Variants in HIP1 observed in about 807,000 individuals in gnomAD.
HIP1 encodes huntingtin interacting protein 1.
Under a neutral mutation model 147.6 loss-of-function variants are expected in HIP1, and 65 were observed. The observed-to-expected ratio is 0.44, with a 90% confidence interval of 0.36 to 0.54. The LOEUF (loss-of-function observed/expected upper bound fraction) is 0.54, where lower values mean the gene tolerates loss of function less well. HIP1 is among the 20% of genes least tolerant of loss of function. The pLI is 0.00. For missense variants in HIP1, 1,061 were observed against 1,299.6 expected, an observed-to-expected ratio of 0.82 and a Z score of 2.82; for synonymous variants, 479 against 504.0, an observed-to-expected ratio of 0.95 and a Z score of 0.67.
chr7:75,653,659 G>A (rs1554512261), intron 1 of HIP1, among the ~76,000 whole-genome samples: 1 of 152,076 alleles, frequency 6.6e-6, no homozygotes, highest in Non-Finnish European at 1.5e-5. Flanking sequence ...AGGAGTTTGA[G>A]ACTAGCCTGG....
At chr7:75,734,705 T>A (rs1554523446) in intron 1 of HIP1, among the ~76,000 whole-genome samples, 2 of 151,934 alleles carry the variant, frequency 1.3e-5, no homozygotes, top group Non-Finnish European at 2.9e-5. Context: ...AGTGGCCAAT[T>A]TTGCCTCTCT....
Position 75,545,138 on chromosome 7 carries a change from T to G in HIP1, c.2610A>C (p.Glu870Asp). The G allele has an allele frequency of 6.2e-7, 1 of 1,612,234 alleles. No individual in the cohort carries two copies. Among genetic ancestry groups the G allele is most frequent in the Non-Finnish European group, 8.5e-7 (1 of 1,179,438 alleles). The change falls in exon 26 of 31, where the codon GAA (glutamate) becomes GAC (aspartate). Residue 870 changes from glutamate (E) to aspartate (D), a missense_variant. By Grantham distance (45) the Glu-to-Asp change is conservative. Around this residue, in one of 3 missense-constraint regions of HIP1, gnomAD observed 810 missense variants for 946.8 expected, o/e 0.86. Coordinates refer to ENST00000336926, the MANE Select transcript of HIP1 (RefSeq NM_005338.7). ...EFYAKNSRWT[E>D]GLISASKAVG... ...CAGCCTTGGAGGCTGAGATAAGTCCTTCTGTCCATCGAGAGTTCTTGGCAT... is the reference window on the plus strand; with the variant it reads ...CAGCCTTGGAGGCTGAGATAAGTCCGTCTGTCCATCGAGAGTTCTTGGCAT...
chr7:75,581,280 C>A lies in HIP1; in HGVS notation c.561G>T (p.Glu187Asp). The A allele has an allele frequency of 6.2e-7, 1 of 1,611,850 alleles. No individual in the cohort carries two copies. ...DVNNFFQLTV[E>D]MFDYLECELN... is the part of the protein sequence containing the mutation. Reference sequence around the variant, plus strand: ...GTTCACACTCCAGGTAGTCAAACATCTCCACTGTTAACTGGAAACTGGACC... The same window carrying A: ...GTTCACACTCCAGGTAGTCAAACATATCCACTGTTAACTGGAAACTGGACC... Residue 187 changes from glutamate to aspartate, a missense_variant, in exon 7 of 31, where the codon GAG becomes GAT. Glu to Asp is a conservative substitution (Grantham distance 45). Coordinates refer to ENST00000336926, the MANE Select transcript of HIP1 (RefSeq NM_005338.7).
intron 28 of HIP1, 128 bp from the exon 29 acceptor site, chr7:75,542,108 G>A: frequency 1.3e-6 from 1 of 763,526 alleles, no homozygotes. Context: ...ATGAAAGTAA[G>A]TGAGGGGGCC....
At chr7:75,630,128 C>A (rs1279161499) in intron 1 of HIP1, among the ~76,000 whole-genome samples, 1 of 151,000 alleles carries the variant, frequency 6.6e-6, no homozygotes, top group Non-Finnish European at 1.5e-5. Context: ...TGCACCACTG[C>A]ATTCCAGCCT....
intron 1 of HIP1, among the ~76,000 whole-genome samples, chr7:75,737,765 G>C (rs1802072131): frequency 6.6e-6 from 1 of 150,448 alleles, no homozygotes. Flanking sequence ...AGTATTCCTC[G>C]CATAACACAT....
chr7:75,556,263 CTGGGAAGGTGA>C (rs1795003056), intron 17 of HIP1, 94 bp from the exon 18 acceptor site: 1 of 1,453,850 alleles, frequency 6.9e-7, no homozygotes, highest in South Asian at 1.3e-5. Context: ...GTTGCAAGGA[CTGGGAAGGTGA>C]TGGCTCTTTA....
In HIP1 at chr7:75,577,654, G is replaced by C. The variant is rs1210223286; in HGVS notation, c.604+3583C>G. On this transcript the variant is annotated intron_variant, in intron 7 of 30. Transcript: ENST00000336926. ...ACTGGACTAGAACAGAGGGAATTTAGAGATGAGTAGGTCAGCATCTCGTGG... is the reference window on the plus strand; with the variant it reads ...ACTGGACTAGAACAGAGGGAATTTACAGATGAGTAGGTCAGCATCTCGTGG... Among the ~76,000 whole-genome samples, 3 of 152,192 alleles carry C rather than the reference G, an allele frequency of 2.0e-5. No homozygotes were observed. The East Asian group carries it at 5.8e-4, about 29-fold the overall frequency.
At chr7:75,590,639 C>A (rs1043170641) in intron 4 of HIP1, among the ~76,000 whole-genome samples, 2 of 152,146 alleles carry the variant, frequency 1.3e-5, no homozygotes, top group Non-Finnish European at 2.9e-5. Context: ...ACAAACCACA[C>A]AAAATCCAAC....
intron 25 of HIP1, among the ~76,000 whole-genome samples, chr7:75,545,952 A>G (rs1370246370): frequency 3.9e-5 from 6 of 152,166 alleles, no homozygotes; most frequent in Admixed American, 2.0e-4. Context: ...AAACAAACAA[A>G]CAAGCAAACA....
chr7:75,737,369 G>A (rs1172064576), intron 1 of HIP1, among the ~76,000 whole-genome samples: 1 of 151,524 alleles, frequency 6.6e-6, no homozygotes, highest in Non-Finnish European at 1.5e-5. Context: ...TTGAGACGGA[G>A]TTTCGCTCTT....
At chr7:75,570,355 G>A (rs1390016576) in intron 8 of HIP1, among the ~76,000 whole-genome samples, 4 of 148,280 alleles carry the variant, frequency 2.7e-5, no homozygotes, top group Non-Finnish European at 5.9e-5. Context: ...GCAGTGGCAC[G>A]ATCTCGGCTC....
intron 1 of HIP1, among the ~76,000 whole-genome samples, chr7:75,693,889 G>A (rs1800540053): frequency 6.7e-6 from 1 of 149,192 alleles, no homozygotes; most frequent in African/African-American, 2.5e-5. Flanking sequence ...TGTGGCTCTT[G>A]AAAAGTTCAG....
At chr7:75,548,795 G>C in intron 23 of HIP1, 96 bp downstream of exon 23, 1 of 946,918 alleles carries the variant, frequency 1.1e-6, no homozygotes, top group Non-Finnish European at 1.7e-6. Flanking sequence ...GGGTTGCCAT[G>C]GCCTTAATGA....
intron 1 of HIP1, among the ~76,000 whole-genome samples, chr7:75,607,921 A>C (rs1389038076): frequency 6.6e-6 from 1 of 152,092 alleles, no homozygotes; most frequent in Non-Finnish European, 1.5e-5. Context: ...TCACAAGATG[A>C]AATCCAGTAG....
At position 75,535,021 on chromosome 7, in the gene HIP1, A is replaced by C. The variant is rs1423701432; in HGVS notation, c.*3151T>G. The C allele has an allele frequency of 9.6e-6, 2 of 208,810 alleles. No homozygotes were observed. Among genetic ancestry groups the C allele is most frequent in the Non-Finnish European group, 1.9e-5 (2 of 102,624 alleles). 12.9% of individuals were successfully genotyped at this position (208,810 alleles called of 1,614,324 possible). A position where few individuals can be genotyped will look rare whatever the true frequency, so the allele number is the denominator to read the frequency against. On this transcript the variant is annotated 3_prime_UTR_variant, in exon 31 of 31. Coordinates refer to ENST00000336926, the MANE Select transcript of HIP1 (RefSeq NM_005338.7). The stretch of plus-strand genomic sequence containing the variant: ...AGCTCTTCATCTTCATTTTTAGAAG[A>C]GTCACAATAGGACAATTTGATTTTG...
chr7:75,545,564 C>A (rs1405205913), intron 25 of HIP1, among the ~76,000 whole-genome samples: 1 of 151,952 alleles, frequency 6.6e-6, no homozygotes, highest in African/African-American at 2.4e-5. Flanking sequence ...ATCACTTGAA[C>A]CTAGGAGGCG....
intron 4 of HIP1, among the ~76,000 whole-genome samples, chr7:75,589,511 C>T (rs1029261332): frequency 2.6e-5 from 4 of 151,478 alleles, no homozygotes; most frequent in Non-Finnish European, 4.4e-5. Context: ...ATGGCAAAAC[C>T]GTGTCTCCAC....
In HIP1 at chr7:75,537,327, T is replaced by TGTC. The variant is rs1794120560; in HGVS notation, c.*842_*844dup. 1 of 232,842 alleles carries TGTC rather than the reference T, an allele frequency of 4.3e-6. No homozygotes were observed. Among genetic ancestry groups the TGTC allele is most frequent in the Non-Finnish European group, 8.5e-6 (1 of 117,678 alleles). The allele number at this position is 232,842 out of a possible 1,614,324, so 14.4% of individuals were successfully genotyped here. The stretch of plus-strand genomic sequence containing the variant: ...TCTCCTTCTGCTTTTTGAGGAAAGC[T>TGTC]GTCACTCAGCAGCTCCGCCTGACCC... On this transcript the variant is annotated 3_prime_UTR_variant, in exon 31 of 31. Transcript: ENST00000336926.
Sources: allele counts gnomAD v4.1 joint callset (sites outside exome capture counted in the v4.1 genomes callset), GRCh38; gene constraint gnomAD v4.1.1; regional missense constraint gnomAD v4.1.1; transcripts MANE v1.5; gene names NCBI Gene and HGNC (gene_info 2026-07-23, HGNC 2026-07-21).